The following BCKDHB variants were observed in gnomAD, a reference collection of about 807,000 sequenced individuals.
The protein encoded by BCKDHB is 2-oxoisovalerate dehydrogenase subunit beta, mitochondrial.
A neutral mutation model predicts 48.5 loss-of-function variants in BCKDHB; 41 were observed. That is an observed-to-expected ratio of 0.85 (90% CI 0.66 to 1.10). The LOEUF (loss-of-function observed/expected upper bound fraction) is 1.10, where lower values mean the gene tolerates loss of function less well. Among genes scored for constraint, BCKDHB ranks in the 50% least tolerant of loss-of-function variants. The pLI, the probability that BCKDHB is intolerant of heterozygous loss-of-function variation, is 0.00. For synonymous variants in BCKDHB, 201 were observed against 174.8 expected, an observed-to-expected ratio of 1.15 and a Z score of -1.18; for missense variants, 496 against 494.2, an observed-to-expected ratio of 1.00 and a Z score of -0.03.
At chr6:80,357,215 G>A in the BCKDHB span, among the ~76,000 whole-genome samples, 1 of 152,140 alleles carries the variant, frequency 6.6e-6, no homozygotes, top group Non-Finnish European at 1.5e-5. Flanking sequence ...ACTAGCAACT[G>A]TGGGAAGTCA....
intron 8 of BCKDHB, among the ~76,000 whole-genome samples, chr6:80,209,854 C>T (rs1318494963): frequency 6.6e-6 from 1 of 151,802 alleles, no homozygotes; most frequent in African/African-American, 2.4e-5. Context: ...AGAGAGTAAA[C>T]AGGTAATTAC....
the BCKDHB span, among the ~76,000 whole-genome samples, chr6:80,426,810 TA>T: frequency 6.6e-6 from 1 of 152,108 alleles, no homozygotes; most frequent in Non-Finnish European, 1.5e-5. Flanking sequence ...TGTGAGAGAG[TA>T]TACTATAAAT....
intron 3 of BCKDHB, among the ~76,000 whole-genome samples, chr6:80,145,986 A>G (rs1467413970): frequency 3.3e-5 from 5 of 152,106 alleles, no homozygotes; most frequent in African/African-American, 1.2e-4. Context: ...ATGTGTGTAT[A>G]TATGTGGAAT....
chr6:80,363,797 TGAG>T, the BCKDHB span, among the ~76,000 whole-genome samples: 1 of 152,216 alleles, frequency 6.6e-6, no homozygotes, highest in Non-Finnish European at 1.5e-5. Flanking sequence ...ACTAAAAGTC[TGAG>T]GAGGTCTACA....
intron 9 of BCKDHB, among the ~76,000 whole-genome samples, chr6:80,325,985 G>A (rs1224525204): frequency 1.3e-5 from 2 of 152,116 alleles, no homozygotes; most frequent in African/African-American, 4.8e-5. Context: ...ATCCCAGAGT[G>A]GAAAAAGGAC....
chr6:80,399,601 A>T, the BCKDHB span, among the ~76,000 whole-genome samples: 1 of 152,166 alleles, frequency 6.6e-6, no homozygotes, highest in Non-Finnish European at 1.5e-5. Context: ...CACAGAAGAC[A>T]CAACAAAGTA....
intron 6 of BCKDHB, among the ~76,000 whole-genome samples, chr6:80,181,136 C>G (rs538197773): frequency 1.4e-3 from 206 of 152,234 alleles, no homozygotes; most frequent in Middle Eastern, 6.8e-3. Context: ...GGTATTCTGT[C>G]CTAGCAAAAC....
At chr6:80,239,210 CCCA>C (rs1776275447) in intron 8 of BCKDHB, among the ~76,000 whole-genome samples, 1 of 152,164 alleles carries the variant, frequency 6.6e-6, no homozygotes, top group Non-Finnish European at 1.5e-5. Context: ...AGTTTACACT[CCCA>C]CCAACAGTGT....
chr6:80,264,680 G>T (rs984771011), intron 8 of BCKDHB, among the ~76,000 whole-genome samples: 2 of 152,156 alleles, frequency 1.3e-5, no homozygotes, highest in Non-Finnish European at 2.9e-5. Context: ...CAGAATGGAG[G>T]ATGGTGAGGA....
chr6:80,227,625 A>G (rs1393748113), intron 8 of BCKDHB, among the ~76,000 whole-genome samples: 1 of 152,146 alleles, frequency 6.6e-6, no homozygotes, highest in East Asian at 1.9e-4. Context: ...AGTGCCCTAT[A>G]AATCTGTATA....
intron 9 of BCKDHB, among the ~76,000 whole-genome samples, chr6:80,318,747 C>CT (rs1350744279): frequency 2.2e-4 from 33 of 147,754 alleles, no homozygotes; most frequent in South Asian, 4.3e-4. Flanking sequence ...CATGTACAGA[C>CT]TTTTTTTTTA....
intron 9 of BCKDHB, among the ~76,000 whole-genome samples, chr6:80,305,828 T>G (rs975661205): frequency 6.6e-6 from 1 of 152,144 alleles, no homozygotes; most frequent in Non-Finnish European, 1.5e-5. Context: ...CCTAGGATGT[T>G]CCTCCTATCT....
intron 6 of BCKDHB, among the ~76,000 whole-genome samples, chr6:80,190,090 ATGG>A (rs895937050): frequency 1.3e-5 from 2 of 152,176 alleles, no homozygotes; most frequent in Admixed American, 6.5e-5. Context: ...ACTGAGGCAG[ATGG>A]TGGATGATAA....
At chr6:80,206,350 A>C (rs1774659659) in intron 8 of BCKDHB, among the ~76,000 whole-genome samples, 1 of 152,152 alleles carries the variant, frequency 6.6e-6, no homozygotes, top group South Asian at 2.1e-4. Context: ...AGCATTCAAT[A>C]AAAAACTAAG....
intron 9 of BCKDHB, among the ~76,000 whole-genome samples, chr6:80,296,991 T>C (rs992430299): frequency 6.6e-6 from 1 of 152,242 alleles, no homozygotes; most frequent in Non-Finnish European, 1.5e-5. Context: ...TTATGTGTTA[T>C]AGCGTTAACT....
At chr6:80,349,470 C>T (rs1770334104), downstream of BCKDHB, among the ~76,000 whole-genome samples, 1 of 152,048 alleles carries the variant, frequency 6.6e-6, no homozygotes. Context: ...CAAAGTCAAA[C>T]ATAAGACATA....
intron 8 of BCKDHB, among the ~76,000 whole-genome samples, chr6:80,265,744 C>G (rs1003368806): frequency 2.6e-5 from 4 of 151,930 alleles, no homozygotes; most frequent in African/African-American, 7.3e-5. Context: ...GTAATTATAA[C>G]CTGAATGCTA....
At chr6:80,409,599 TATATATA>T in the BCKDHB span, among the ~76,000 whole-genome samples, 1 of 56,246 alleles carries the variant, frequency 1.8e-5, no homozygotes, top group Non-Finnish European at 3.1e-5. Context: ...TATATATATA[TATATATA>T]TATATATATA....
At chr6:80,167,386 A>G (rs892998764) in intron 3 of BCKDHB, among the ~76,000 whole-genome samples, 2 of 152,024 alleles carry the variant, frequency 1.3e-5, no homozygotes, top group East Asian at 1.9e-4. Context: ...ACAATTATTA[A>G]TTGGATTTAA....
Sources: allele counts gnomAD v4.1 joint callset (sites outside exome capture counted in the v4.1 genomes callset), GRCh38; gene constraint gnomAD v4.1.1; transcripts MANE v1.5; gene names NCBI Gene and HGNC (gene_info 2026-07-23, HGNC 2026-07-21).